SHISAL1: variants seen among roughly 807,000 people sequenced by gnomAD.
SHISAL1 encodes the protein shisa like 1.
Under a neutral mutation model 22.6 loss-of-function variants are expected in SHISAL1, and 9 were observed. That is an observed-to-expected ratio of 0.40 (90% CI 0.24 to 0.70). SHISAL1 has a LOEUF of 0.70. SHISAL1 is among the 30% of genes least tolerant of loss of function. The probability of loss-of-function intolerance (pLI) is 0.39; values close to 1 mark genes in which losing one functional copy is unlikely to be tolerated. For synonymous variants in SHISAL1, 119 were observed against 115.4 expected (o/e 1.03, Z -0.20); for missense variants, 246 against 270.6 (o/e 0.91, Z 0.64).
intron 4 of SHISAL1, among the ~76,000 whole-genome samples, chr22:44,250,280 A>G (rs2055038474): frequency 6.6e-6 from 1 of 152,234 alleles, no homozygotes; most frequent in Non-Finnish European, 1.5e-5. Flanking sequence ...GATACCATTC[A>G]TATTGACAAA....
chr22:44,265,371 G>A (rs1416636860), intron 4 of SHISAL1, among the ~76,000 whole-genome samples: 1 of 152,122 alleles, frequency 6.6e-6, no homozygotes. Flanking sequence ...CATGCCATGA[G>A]CTACCCTGTG....
At chr22:44,292,002 C>T (rs1023789373) in intron 3 of SHISAL1, among the ~76,000 whole-genome samples, 3 of 152,238 alleles carry the variant, frequency 2.0e-5, no homozygotes, top group Admixed American at 2.0e-4. Context: ...GCGGGCATCT[C>T]GCCGTGGTAG....
At chr22:44,280,545 C>A (rs1187452225) in intron 4 of SHISAL1, among the ~76,000 whole-genome samples, 1 of 152,148 alleles carries the variant, frequency 6.6e-6, no homozygotes, top group African/African-American at 2.4e-5. Flanking sequence ...GCAGGTCTTA[C>A]AGGGTGTTGA....
intron 3 of SHISAL1, among the ~76,000 whole-genome samples, chr22:44,293,402 G>T (rs1212847515): frequency 3.3e-5 from 5 of 152,200 alleles, no homozygotes; most frequent in Non-Finnish European, 1.5e-5. Flanking sequence ...GCCATTGCTG[G>T]TTGTCACCGG....
At chr22:44,266,423 C>CTG (rs1002847572) in intron 4 of SHISAL1, among the ~76,000 whole-genome samples, 1 of 92,880 alleles carries the variant, frequency 1.1e-5, no homozygotes, top group African/African-American at 5.1e-5. Flanking sequence ...TGTTGGGGGG[C>CTG]TGTGTGTGTG....
At position 44,296,905 on chromosome 22, in the gene SHISAL1, G is replaced by A. The variant is rs1164990838; in HGVS notation, c.68-20C>T. On this transcript the variant is annotated intron_variant, in intron 2 of 4. Coordinates refer to ENST00000381176, the MANE Select transcript of SHISAL1 (RefSeq NM_001099294.2). The stretch of plus-strand genomic sequence containing the variant: ...ACAAGACTGGAAGACAGAGTCACCA[G>A]GCTCAGAGGGGTCCCTCACCAGTCC... 5.6e-6 allele frequency: 9 copies of A among 1,595,182 alleles called. No individual in the cohort carries two copies. Among genetic ancestry groups the A allele is most frequent in the Admixed American group, 5.0e-5 (3 of 59,892 alleles).
At chr22:44,314,039 A>G (rs1443837164), upstream of SHISAL1, among the ~76,000 whole-genome samples, 1 of 151,648 alleles carries the variant, frequency 6.6e-6, no homozygotes, top group African/African-American at 2.4e-5. Flanking sequence ...TGGGGGTGGT[A>G]TTTATTTAAT....
intron 4 of SHISAL1, among the ~76,000 whole-genome samples, chr22:44,250,363 GCTC>G (rs2055038926): frequency 6.6e-6 from 1 of 152,180 alleles, no homozygotes. Context: ...AGACCAAGGT[GCTC>G]CTGGAATAGG....
In SHISAL1 at chr22:44,285,730, C is replaced by T. The variant is rs761825010; in HGVS notation, c.297G>A (p.Leu99=). 1.9e-5 allele frequency: 31 copies of T among 1,611,796 alleles called. No homozygotes were observed. In the Admixed American group the frequency reaches 4.8e-4, roughly 25 times the overall value. Residue 99 remains leucine (L), a synonymous_variant, in exon 4 of 5, where the codon TTG becomes TTA. Coordinates refer to ENST00000381176, the MANE Select transcript of SHISAL1 (RefSeq NM_001099294.2). ...AAAATCCATAGATCCACACTCCCAACAAGGCGGTGTAATTGCTGCGAACAA... is the reference window on the plus strand; with the variant it reads ...AAAATCCATAGATCCACACTCCCAATAAGGCGGTGTAATTGCTGCGAACAA... ...EGYMHNNYTA[L]LGVWIYGFFV... is the part of the protein sequence containing the mutation.
At chr22:44,323,530 C>T in the SHISAL1 span, among the ~76,000 whole-genome samples, 1 of 134,548 alleles carries the variant, frequency 7.4e-6, no homozygotes, top group Admixed American at 7.3e-5. Context: ...CATCTACCCA[C>T]CTCACCCACC....
intron 1 of SHISAL1, among the ~76,000 whole-genome samples, chr22:44,305,093 G>A (rs771596820): frequency 6.6e-6 from 1 of 152,202 alleles, no homozygotes; most frequent in Non-Finnish European, 1.5e-5. Context: ...TTTAGAAGCT[G>A]CTTCAGTACT....
At chr22:44,322,575 C>A in the SHISAL1 span, among the ~76,000 whole-genome samples, 1 of 152,222 alleles carries the variant, frequency 6.6e-6, no homozygotes, top group African/African-American at 2.4e-5. Flanking sequence ...AATGTGTTAT[C>A]TTTGCAAGCC....
Position 44,264,401 on chromosome 22 carries a change from G to A in SHISAL1, c.*-14716C>T, listed in dbSNP as rs1012936208. Among the ~76,000 whole-genome samples the A allele has an allele frequency of 2.6e-5, 4 of 152,314 alleles. No homozygotes were observed. In the East Asian group the frequency reaches 7.8e-4, roughly 30 times the overall value. On this transcript the variant is annotated intron_variant, in intron 4 of 4. Transcript: ENST00000381176. ...AAGCCCAGTGCAGAGCCTGGCATAT[G>A]GGAGAGCTTTATGGGAGAGTTTGCT... is the stretch of plus-strand genomic sequence containing the variant.
At chr22:44,319,439 G>A in the SHISAL1 span, among the ~76,000 whole-genome samples, 1 of 152,248 alleles carries the variant, frequency 6.6e-6, no homozygotes, top group Non-Finnish European at 1.5e-5. Context: ...GGAAAGAGGA[G>A]GGAGCTGCCA....
upstream of SHISAL1, among the ~76,000 whole-genome samples, chr22:44,314,436 C>G (rs2147314905): frequency 6.6e-6 from 1 of 152,318 alleles, no homozygotes; most frequent in East Asian, 1.9e-4. Flanking sequence ...AGCAGACCTC[C>G]TGTGCACCAG....
the SHISAL1 span, among the ~76,000 whole-genome samples, chr22:44,317,965 G>T: frequency 3.9e-5 from 6 of 152,252 alleles, no homozygotes; most frequent in African/African-American, 7.2e-5. Context: ...CCCGAGCTGG[G>T]CTCTGCCACT....
chr22:44,264,601 G>A (rs2055148833), intron 4 of SHISAL1, among the ~76,000 whole-genome samples: 1 of 152,166 alleles, frequency 6.6e-6, no homozygotes, highest in South Asian at 2.1e-4. Context: ...GGCACCTCGG[G>A]CATGGCATGG....
the SHISAL1 span, among the ~76,000 whole-genome samples, chr22:44,328,486 G>A: frequency 6.6e-6 from 1 of 152,154 alleles, no homozygotes; most frequent in African/African-American, 2.4e-5. Context: ...GCAATTGTGA[G>A]CCTGTTCGGT....
intron 3 of SHISAL1, among the ~76,000 whole-genome samples, chr22:44,294,320 G>C (rs1049511309): frequency 2.6e-5 from 4 of 152,194 alleles, no homozygotes; most frequent in African/African-American, 9.7e-5. Flanking sequence ...GCCTAGGTGG[G>C]AGGTGGGGAG....
Sources: gnomAD v4.1 joint callset for allele counts (sites outside exome capture counted in the v4.1 genomes callset) on GRCh38, gnomAD v4.1.1 for gene constraint, MANE v1.5 for transcripts, NCBI Gene and HGNC (gene_info 2026-07-23, HGNC 2026-07-21) for gene names.